Variants in CPXM2 observed in about 807,000 individuals in gnomAD.
CPXM2 encodes the protein carboxypeptidase X, M14 family member 2.
A neutral mutation model predicts 86.1 loss-of-function variants in CPXM2; 66 were observed. That is an observed-to-expected ratio of 0.77 (90% CI 0.63 to 0.94). The LOEUF is 0.94. Ranked by LOEUF, CPXM2 falls within the 40% of genes least tolerant of loss-of-function variation. The pLI is 0.00. For missense variants in CPXM2, 948 were observed against 1,026.3 expected (o/e 0.92, Z 1.04); for synonymous variants, 388 against 400.2 (o/e 0.97, Z 0.36).
chr10:123,795,155 G>GT (rs1373459122), intron 6 of CPXM2, among the ~76,000 whole-genome samples: 1 of 152,170 alleles, frequency 6.6e-6, no homozygotes, highest in Non-Finnish European at 1.5e-5. Context: ...GTAGTGATGA[G>GT]TACATACACC....
At chr10:123,908,756 G>A (rs1388008679) in intron 2 of CPXM2, among the ~76,000 whole-genome samples, 1 of 152,164 alleles carries the variant, frequency 6.6e-6, no homozygotes, top group Non-Finnish European at 1.5e-5. Context: ...CAGCCATGAG[G>A]TTTTTAATGG....
At chr10:123,781,214 G>A (rs1054568307) in intron 6 of CPXM2, among the ~76,000 whole-genome samples, 2 of 152,354 alleles carry the variant, frequency 1.3e-5, no homozygotes, top group Admixed American at 1.3e-4. Context: ...TGTGTTAACA[G>A]AGCTGACCTT....
intron 13 of CPXM2, chr10:123,750,302 A>G: frequency 1.0e-6 from 1 of 985,020 alleles, no homozygotes; most frequent in Non-Finnish European, 1.2e-6. Context: ...TTAGAGCAAA[A>G]CCCAACGCAG....
intron 2 of CPXM2, among the ~76,000 whole-genome samples, chr10:123,905,097 T>C (rs1105562): frequency 0.72 from 109,444 of 152,088 alleles, 40,052 homozygotes; most frequent in African/African-American, 0.83. Context: ...AAGTGGAGCT[T>C]CCCTGAGTGA....
rs1848884529 is a variant in CPXM2, at chr10:123,862,855, A to T, written c.404-132T>A. 5.5e-6 allele frequency: 4 copies of T among 724,740 alleles called. No homozygotes were observed. In the South Asian group the frequency reaches 6.5e-5, roughly 12 times the overall value. 44.9% of individuals were successfully genotyped at this position (724,740 alleles called of 1,614,324 possible). A position where few individuals can be genotyped will look rare whatever the true frequency, so the allele number is the denominator to read the frequency against. ...ACCCACAGGCATGCCTGGTCTTTCC[A>T]GACACGGTTGATTGAACTGTCAACA... On this transcript the variant is annotated intron_variant, in intron 2 of 13. Transcript: ENST00000241305.
rs530147064 is a variant in CPXM2, at chr10:123,794,771, G to A, written c.889+3205C>T. On this transcript the variant is annotated intron_variant, in intron 6 of 13. Coordinates refer to ENST00000241305, the MANE Select transcript of CPXM2 (RefSeq NM_198148.3). ...TGTGTGTGTGTGTGTGTGTGTGTGC[G>A]CATGTGTGTGTGTATTTGAGACAGG... 5.6e-5 allele frequency among the ~76,000 whole-genome samples: 8 copies of A among 143,062 alleles called. No homozygotes were observed. In the East Asian group the frequency reaches 9.9e-4, roughly 18 times the overall value. The allele number at this position is 143,062 out of a possible 152,430, so 93.9% of individuals were successfully genotyped here. A position where few individuals can be genotyped will look rare whatever the true frequency, so the allele number is the denominator to read the frequency against.
intron 4 of CPXM2, among the ~76,000 whole-genome samples, chr10:123,836,826 C>A (rs1014741640): frequency 6.6e-6 from 1 of 152,078 alleles, no homozygotes; most frequent in East Asian, 1.9e-4. Flanking sequence ...CAGTTTCAGC[C>A]CCTCAGGGAC....
chr10:123,761,773 A>G (rs1461145550), intron 11 of CPXM2, 99 bp downstream of exon 11: 6 of 1,216,804 alleles, frequency 4.9e-6, no homozygotes, highest in Non-Finnish European at 6.9e-6. Context: ...GCCACCACTT[A>G]GTGACAACAG....
At chr10:123,873,490 C>G (rs1944927072) in intron 2 of CPXM2, among the ~76,000 whole-genome samples, 1 of 152,138 alleles carries the variant, frequency 6.6e-6, no homozygotes, top group Non-Finnish European at 1.5e-5. Flanking sequence ...AAGAACTTGA[C>G]TTGACATCAT....
intron 2 of CPXM2, among the ~76,000 whole-genome samples, chr10:123,934,256 G>A (rs1182238998): frequency 1.3e-5 from 2 of 152,136 alleles, no homozygotes; most frequent in Admixed American, 6.5e-5. Context: ...TAACAGAAAG[G>A]TCTTCTCTCA....
At chr10:123,763,665 C>G (rs1435026323) in intron 10 of CPXM2, among the ~76,000 whole-genome samples, 2 of 151,872 alleles carry the variant, frequency 1.3e-5, no homozygotes, top group African/African-American at 4.8e-5. Flanking sequence ...TTGAATAAAG[C>G]TATTTCCAGG....
intron 4 of CPXM2, among the ~76,000 whole-genome samples, chr10:123,832,630 C>T (rs141369518): frequency 0.033 from 5,052 of 152,044 alleles, 288 homozygotes; most frequent in African/African-American, 0.11. Context: ...AGTTCAAGAC[C>T]AGTCTGACCA....
chr10:123,841,819 G>A (rs1342593480), intron 4 of CPXM2, among the ~76,000 whole-genome samples: 1 of 152,188 alleles, frequency 6.6e-6, no homozygotes, highest in Admixed American at 6.5e-5. Context: ...CCTTGGCCCT[G>A]AGTGAAATTC....
intron 4 of CPXM2, 146 bp from the exon 5 acceptor site, chr10:123,799,345 C>G: frequency 1.2e-6 from 1 of 808,624 alleles, no homozygotes; most frequent in Non-Finnish European, 2.0e-6. Flanking sequence ...GCTCTGTGAC[C>G]TCAGTCAGGT....
chr10:123,752,466 T>C (rs1846099815), intron 13 of CPXM2: 1 of 985,282 alleles, frequency 1.0e-6, no homozygotes, highest in African/African-American at 1.7e-5. Context: ...TTTAGACACA[T>C]TTCCCCCATT....
chr10:123,911,186 C>A (rs1205556383), intron 2 of CPXM2, among the ~76,000 whole-genome samples: 2 of 152,200 alleles, frequency 1.3e-5, no homozygotes, highest in African/African-American at 4.8e-5. Flanking sequence ...TCAACCCATA[C>A]AGACCTTATG....
intron 2 of CPXM2, among the ~76,000 whole-genome samples, chr10:123,900,379 C>T (rs371463156): frequency 1.2e-4 from 18 of 152,216 alleles, no homozygotes; most frequent in East Asian, 9.7e-4. Flanking sequence ...GAAGAAAGGG[C>T]GGACTCCTGA....
At chr10:123,842,889 A>G (rs2134156134) in intron 3 of CPXM2, among the ~76,000 whole-genome samples, 1 of 152,312 alleles carries the variant, frequency 6.6e-6, no homozygotes, top group Middle Eastern at 3.4e-3. Context: ...AAATAGATGA[A>G]TTAGAACACA....
At chr10:123,823,873 G>T (rs1048256176) in intron 4 of CPXM2, among the ~76,000 whole-genome samples, 13 of 152,156 alleles carry the variant, frequency 8.5e-5, no homozygotes, top group African/African-American at 3.1e-4. Context: ...GTTGTCTTGG[G>T]AGACCAGAAT....
Sources: gnomAD v4.1 joint callset for allele counts (sites outside exome capture counted in the v4.1 genomes callset) on GRCh38, gnomAD v4.1.1 for gene constraint, MANE v1.5 for transcripts, NCBI Gene and HGNC (gene_info 2026-07-23, HGNC 2026-07-21) for gene names.